Variants in COPS9 observed in about 807,000 individuals in gnomAD.
The protein encoded by COPS9 is COP9 signalosome complex subunit 9.
Under a neutral mutation model 7.2 loss-of-function variants are expected in COPS9, and 8 were observed. The ratio of observed to expected loss-of-function variants is 1.11; its 90% CI spans 0.65 to 2.00. The LOEUF (loss-of-function observed/expected upper bound fraction) is 2.00. COPS9 is among the 30% of genes most tolerant of loss of function. COPS9 has a pLI of 0.00. For synonymous variants in COPS9, 39 were observed against 28.7 expected (o/e 1.36, Z -1.14); for missense variants, 74 against 77.7 (o/e 0.95, Z 0.18).
In COPS9 at chr2:240,132,110, C is replaced by T. The variant is rs2071929139; in HGVS notation, c.137-1022G>A. 6.6e-6 allele frequency among the ~76,000 whole-genome samples: 1 copy of T among 152,210 alleles called. No homozygotes were observed. Among genetic ancestry groups the T allele is most frequent in the Admixed American group, 6.5e-5 (1 of 15,288 alleles). Reference sequence around the variant, plus strand: ...ACCTTCCGACCTCTGCTCTGCTGCCCCCTCTGGAGAAACCTCCCTCTGCAG... The same window carrying T: ...ACCTTCCGACCTCTGCTCTGCTGCCTCCTCTGGAGAAACCTCCCTCTGCAG... On this transcript the variant is annotated intron_variant, in intron 2 of 2. Coordinates refer to ENST00000607357, the MANE Select transcript of COPS9 (RefSeq NM_001163424.2). The surrounding 1 kb of genome is among the most constrained non-coding windows in gnomAD (Gnocchi z 4.1).
chr2:240,135,910 C>A, intron 1 of COPS9: 1 of 411,178 alleles, frequency 2.4e-6, no homozygotes, highest in Admixed American at 4.7e-5. Flanking sequence ...CGAAGAGCAG[C>A]AAACGCAACT....
At chr2:240,131,997 AC>A (rs2071927780) in intron 2 of COPS9, among the ~76,000 whole-genome samples, 1 of 151,994 alleles carries the variant, frequency 6.6e-6, no homozygotes, top group South Asian at 2.1e-4. Flanking sequence ...ACACTGATGC[AC>A]CCCCACGTCC....
downstream of COPS9, chr2:240,130,005 C>T (rs1157325631): frequency 1.2e-6 from 2 of 1,613,712 alleles, no homozygotes; most frequent in African/African-American, 1.3e-5. Flanking sequence ...GGACTGCTGG[C>T]TTGTCCTGGG....
chr2:240,134,094 AAAG>A (rs3833571), intron 1 of COPS9, 89 bp from the exon 2 acceptor site: 16,081 of 1,218,116 alleles, frequency 0.013, 257 homozygotes, highest in East Asian at 0.069. Flanking sequence ...CCCCACAAAA[AAAG>A]AAGATGGGTG....
intron 1 of COPS9, 98 bp downstream of exon 1, chr2:240,136,124 C>G (rs1019654723): frequency 7.5e-7 from 1 of 1,333,224 alleles, no homozygotes; most frequent in Admixed American, 3.9e-5. Context: ...CCCACCCGCC[C>G]GGCCTCCCCT....
In COPS9 at chr2:240,131,029, C is replaced by T. The variant is rs2071917021; in HGVS notation, c.*22G>A. On this transcript the variant is annotated 3_prime_UTR_variant, in exon 3 of 3. Transcript: ENST00000607357. Reference sequence around the variant, plus strand: ...GCGGCTCTGTACCAAGGGCTTGGCCCCGCCTGCAGCCAGAGGGCATCTCAC... The same window carrying T: ...GCGGCTCTGTACCAAGGGCTTGGCCTCGCCTGCAGCCAGAGGGCATCTCAC... 1 of 1,612,410 alleles carries T rather than the reference C, an allele frequency of 6.2e-7. No individual in the cohort carries two copies. The highest frequency in any genetic ancestry group is 8.5e-7 in the Non-Finnish European group (1 of 1,179,490).
At chr2:240,130,209 C>A (rs909445225), downstream of COPS9, among the ~76,000 whole-genome samples, 1 of 152,184 alleles carries the variant, frequency 6.6e-6, no homozygotes, top group African/African-American at 2.4e-5. Flanking sequence ...TTCTCAGTAG[C>A]GGGGGCAGCA....
At chr2:240,129,531 C>T (rs2071899836), downstream of COPS9, among the ~76,000 whole-genome samples, 1 of 152,150 alleles carries the variant, frequency 6.6e-6, no homozygotes, top group Non-Finnish European at 1.5e-5. Context: ...TGCCACGGGC[C>T]AGTCTGAGTG....
At position 240,134,005 on chromosome 2, in the gene COPS9, C is replaced by T. The variant is rs1165347059; in HGVS notation, c.64G>A (p.Ala22Thr). The change falls in exon 2 of 3, where the codon GCG becomes ACG. Residue 22 changes from alanine (A) to threonine (T), a missense_variant and splice_region_variant. Ala to Thr is a moderately conservative substitution (Grantham distance 58). Coordinates refer to ENST00000607357, the MANE Select transcript of COPS9 (RefSeq NM_001163424.2). Reference protein sequence around the residue: ...GAGPYVDLDEAGGSTGLLMDL... With the variant: ...GAGPYVDLDETGGSTGLLMDL... ...ATCAAGAGCCCGGTGCTGCCTCCCG[C>T]CTGGGGAATGGAAAGGCAAGGTTAT... The T allele has an allele frequency of 6.2e-7, 1 of 1,614,108 alleles. No homozygotes were observed. The highest frequency in any genetic ancestry group is 1.7e-5 in the Admixed American group (1 of 60,024).
chr2:240,134,130 A>G, intron 1 of COPS9, 125 bp from the exon 2 acceptor site: 1 of 825,048 alleles, frequency 1.2e-6, no homozygotes, highest in South Asian at 1.6e-5. Flanking sequence ...CTCAAGTTGG[A>G]GTCAACATTT....
In COPS9 at chr2:240,131,985, C is replaced by A. The variant is rs1169903389; in HGVS notation, c.137-897G>T. On this transcript the variant is annotated intron_variant, in intron 2 of 2. Transcript: ENST00000607357. ...TGCAGAGGGTCCCGACGCTCCCCAG[C>A]CACACTGATGCACCCCCACGTCCTC... 2.0e-5 allele frequency among the ~76,000 whole-genome samples: 3 copies of A among 152,324 alleles called. No homozygotes were observed. In the East Asian group the frequency reaches 5.8e-4, roughly 29 times the overall value.
chr2:240,128,434 G>A (rs565139778), downstream of COPS9, among the ~76,000 whole-genome samples: 130 of 152,194 alleles, frequency 8.5e-4, no homozygotes, highest in African/African-American at 2.6e-3. Context: ...TCACAGAAGC[G>A]TCTTCTCCAG....
chr2:240,135,977 C>A (rs1574949798), intron 1 of COPS9: 1 of 578,296 alleles, frequency 1.7e-6, no homozygotes, highest in Non-Finnish European at 2.8e-6. Context: ...GGCACTCAAC[C>A]CTCAGGCTGC....
At chr2:240,134,942 C>T (rs1306352691) in intron 1 of COPS9, among the ~76,000 whole-genome samples, 3 of 152,152 alleles carry the variant, frequency 2.0e-5, no homozygotes, top group African/African-American at 7.2e-5. Context: ...AAGTCGGAGC[C>T]TCTCACTCCC....
chr2:240,133,426 G>C (rs1426303001), intron 2 of COPS9, among the ~76,000 whole-genome samples: 1 of 152,218 alleles, frequency 6.6e-6, no homozygotes, highest in Non-Finnish European at 1.5e-5. Flanking sequence ...CTTAAATCAA[G>C]AGGAAAACAC....
downstream of COPS9, among the ~76,000 whole-genome samples, chr2:240,127,362 G>GTC (rs578134889): frequency 6.3e-4 from 94 of 149,724 alleles, no homozygotes; most frequent in East Asian, 0.01. Flanking sequence ...CTGTTAACCA[G>GTC]TCTCTCTCTC....
chr2:240,127,952 T>C (rs1211278450), downstream of COPS9, among the ~76,000 whole-genome samples: 2 of 151,694 alleles, frequency 1.3e-5, no homozygotes, highest in Admixed American at 6.6e-5. Context: ...CCCTCAAAAA[T>C]CACCCAGGAA....
At chr2:240,133,443 C>A (rs1263762715) in intron 2 of COPS9, among the ~76,000 whole-genome samples, 3 of 152,218 alleles carry the variant, frequency 2.0e-5, no homozygotes, top group Admixed American at 6.5e-5. Flanking sequence ...ACACATCCTG[C>A]GTCCTGATTT....
In COPS9 at chr2:240,133,844, A is replaced by C; in HGVS notation, c.136+89T>G. On this transcript the variant is annotated intron_variant, in intron 2 of 2. Coordinates refer to ENST00000607357, the MANE Select transcript of COPS9 (RefSeq NM_001163424.2). Reference sequence around the variant, plus strand: ...GGGGCTCTACCACCTTATGATCCAAATTATTCATGTCACCAAGTTGCTTCA... The same window carrying C: ...GGGGCTCTACCACCTTATGATCCAACTTATTCATGTCACCAAGTTGCTTCA... The C allele has an allele frequency of 8.9e-6, 12 of 1,341,342 alleles. No individual in the cohort carries two copies. In the South Asian group the frequency reaches 1.4e-4, roughly 16 times the overall value. 83.1% of individuals were successfully genotyped at this position (1,341,342 alleles called of 1,614,324 possible). A position where few individuals can be genotyped will look rare whatever the true frequency, so the allele number is the denominator to read the frequency against.
Sources: gnomAD v4.1 joint callset for allele counts (sites outside exome capture counted in the v4.1 genomes callset) on GRCh38, gnomAD v4.1.1 for gene constraint, Gnocchi (gnomAD v3.1) non-coding constraint, MANE v1.5 for transcripts, NCBI Gene and HGNC (gene_info 2026-07-23, HGNC 2026-07-21) for gene names.